MLXIP: variants seen among roughly 807,000 people sequenced by gnomAD.
MLXIP encodes MLX interacting protein.
Under a neutral mutation model 87.2 loss-of-function variants are expected in MLXIP, and 30 were observed. That is an observed-to-expected ratio of 0.34 (90% confidence interval 0.26 to 0.47). The LOEUF is 0.47. MLXIP is among the 20% of genes least tolerant of loss of function. The pLI is 1.00. For missense variants in MLXIP, 1,002 were observed against 1,240.1 expected (o/e 0.81, Z 2.88); for synonymous variants, 530 against 514.0 (o/e 1.03, Z -0.42).
chr12:122,119,628 T>C (rs1410477808), intron 1 of MLXIP, among the ~76,000 whole-genome samples: 1 of 152,194 alleles, frequency 6.6e-6, no homozygotes. Context: ...CCTGACCTTG[T>C]GATCCACCCT....
chr12:122,120,171 C>T (rs535180540), intron 1 of MLXIP, among the ~76,000 whole-genome samples: 1 of 151,684 alleles, frequency 6.6e-6, no homozygotes, highest in African/African-American at 2.4e-5. Flanking sequence ...TTCCCCCTCC[C>T]CCCTTCTTCT....
At chr12:122,085,030 C>T (rs193018469) in intron 1 of MLXIP, among the ~76,000 whole-genome samples, 5 of 152,212 alleles carry the variant, frequency 3.3e-5, no homozygotes, top group African/African-American at 1.2e-4. Context: ...AGAAAAGTGA[C>T]CTACCTTATC....
chr12:122,094,224 GTA>G (rs1952305732), intron 1 of MLXIP, among the ~76,000 whole-genome samples: 1 of 117,662 alleles, frequency 8.5e-6, no homozygotes, highest in Non-Finnish European at 1.8e-5. Flanking sequence ...GTGGGTGTGT[GTA>G]TGTGGTGTCT....
intron 1 of MLXIP, among the ~76,000 whole-genome samples, chr12:122,104,550 T>G (rs1466336854): frequency 6.6e-6 from 1 of 152,088 alleles, no homozygotes; most frequent in African/African-American, 2.4e-5. Flanking sequence ...TTTTCTTGTT[T>G]TTGGCTTTAC....
intron 16 of MLXIP, 55 bp downstream of exon 16, chr12:122,141,138 A>G: frequency 6.4e-7 from 1 of 1,557,658 alleles, no homozygotes; most frequent in African/African-American, 1.3e-5. Flanking sequence ...GAGGGAGGAC[A>G]GCCCCAGGCT....
intron 1 of MLXIP, among the ~76,000 whole-genome samples, chr12:122,110,177 G>A (rs978838762): frequency 1.3e-5 from 2 of 152,162 alleles, no homozygotes; most frequent in African/African-American, 4.8e-5. Flanking sequence ...TTAGGGTCAG[G>A]TACGGTGGCT....
chr12:122,141,040 C>T lies in MLXIP; in HGVS notation c.2595C>T (p.Leu865=), dbSNP rs767393514. Residue 865 remains leucine, a synonymous_variant, in exon 16 of 17, where the codon CTC becomes CTT. Transcript: ENST00000319080. ...SSLEELHRTA[L]SWLDQHCSLP... is the part of the protein sequence containing the mutation. ...TGGAGGAGCTGCACCGGACGGCGCT[C>T]TCCTGGCTGGACCAGCACTGCTCCC... 17 of 1,613,454 alleles carry T rather than the reference C, an allele frequency of 1.1e-5. No homozygotes were observed. The highest frequency in any genetic ancestry group is 1.4e-5 in the Non-Finnish European group (16 of 1,179,910).
chr12:122,115,421 C>T (rs909301477), intron 1 of MLXIP, among the ~76,000 whole-genome samples: 3 of 151,564 alleles, frequency 2.0e-5, no homozygotes, highest in African/African-American at 7.3e-5. Context: ...AACCCCGTCT[C>T]TACTAAAAAT....
intron 1 of MLXIP, among the ~76,000 whole-genome samples, chr12:122,105,936 A>G (rs761164853): frequency 5.3e-5 from 8 of 152,170 alleles, no homozygotes; most frequent in Non-Finnish European, 1.0e-4. Context: ...CTATAGGTTC[A>G]GACTATAGGT....
intron 1 of MLXIP, among the ~76,000 whole-genome samples, chr12:122,081,238 C>A (rs1468236919): frequency 6.6e-6 from 1 of 152,178 alleles, no homozygotes; most frequent in Non-Finnish European, 1.5e-5. Flanking sequence ...TGCCTAAGGT[C>A]TCCTGCTGCC....
Position 122,078,995 on chromosome 12 carries a change from A to G in MLXIP, c.142A>G (p.Thr48Ala). Residue 48 changes from threonine to alanine, a missense_variant, in exon 1 of 17, where the codon ACC becomes GCC. By Grantham distance (58) the Thr-to-Ala change is moderately conservative. Coordinates refer to ENST00000319080, the MANE Select transcript of MLXIP (RefSeq NM_014938.6). ...CCCGCCGCCCGCCTCCGGCGCGGCC[A>G]CCCCGGCCCGGGCCCACGCGAGCGC... ...PSPPPASGAA[T>A]PARAHASAAP... is the part of the protein sequence containing the mutation. 9.0e-7 allele frequency: 1 copy of G among 1,112,184 alleles called. No homozygotes were observed. The highest frequency in any genetic ancestry group is 3.5e-5 in the South Asian group (1 of 28,790). The allele number at this position is 1,112,184 out of a possible 1,614,324, so 68.9% of individuals were successfully genotyped here.
chr12:122,081,308 T>G (rs570278264), intron 1 of MLXIP, among the ~76,000 whole-genome samples: 4 of 152,188 alleles, frequency 2.6e-5, no homozygotes, highest in Non-Finnish European at 5.9e-5. Flanking sequence ...GTCCAGTCAT[T>G]TCTCATGAAG....
At chr12:122,096,622 C>A (rs1202777057) in intron 1 of MLXIP, among the ~76,000 whole-genome samples, 1 of 152,212 alleles carries the variant, frequency 6.6e-6, no homozygotes, top group Non-Finnish European at 1.5e-5. Context: ...TATTCTGAGT[C>A]CGGGAGTGGA....
chr12:122,114,504 C>T (rs563154910), intron 1 of MLXIP, among the ~76,000 whole-genome samples: 1 of 152,170 alleles, frequency 6.6e-6, no homozygotes, highest in Non-Finnish European at 1.5e-5. Flanking sequence ...TTTCTAGCCC[C>T]GCCCAGATGT....
Position 122,144,593 on chromosome 12 carries a change from AAG to A in MLXIP, c.*2783_*2784del. ...AGAGTGAAACCCTGCCTCTAAATAA[AAG>A]AAAATAGAGGCAGACTGTGGTGGCT... is the stretch of plus-strand genomic sequence containing the variant. On this transcript the variant is annotated 3_prime_UTR_variant, in exon 17 of 17. Transcript: ENST00000319080. 6.6e-6 allele frequency: 1 copy of A among 152,228 alleles called. No individual in the cohort carries two copies. The highest frequency in any genetic ancestry group is 3.4e-3 in the Middle Eastern group (1 of 294). 9.4% of individuals were successfully genotyped at this position (152,228 alleles called of 1,614,324 possible). A position where few individuals can be genotyped will look rare whatever the true frequency, so the allele number is the denominator to read the frequency against.
Position 122,144,126 on chromosome 12 carries a change from T to G in MLXIP, c.*2314T>G, listed in dbSNP as rs1417553066. 1 of 152,724 alleles carries G rather than the reference T, an allele frequency of 6.5e-6. No individual in the cohort carries two copies. The highest frequency in any genetic ancestry group is 1.5e-5 in the Non-Finnish European group (1 of 68,068). The allele number at this position is 152,724 out of a possible 1,614,324, so 9.5% of individuals were successfully genotyped here. A position where few individuals can be genotyped will look rare whatever the true frequency, so the allele number is the denominator to read the frequency against. ...AGGGGCCTAGATTTGACCTCTGTCC[T>G]GGGCTCCTGGGCCAGGTGCAGGAAC... On this transcript the variant is annotated 3_prime_UTR_variant, in exon 17 of 17. Coordinates refer to ENST00000319080, the MANE Select transcript of MLXIP (RefSeq NM_014938.6).
Position 122,133,059 on chromosome 12 carries a change from A to T in MLXIP, c.1093-289A>T, listed in dbSNP as rs1210645582. The T allele has an allele frequency of 5.7e-6, 2 of 352,382 alleles. No homozygotes were observed. Among genetic ancestry groups the T allele is most frequent in the Admixed American group, 8.6e-5 (2 of 23,300 alleles). 21.8% of individuals were successfully genotyped at this position (352,382 alleles called of 1,614,324 possible). ...AGAAGATGGCAGAGACTTTGGGGAG[A>T]CTCTGCTGGACTCCAGAAACAAGAT... is the stretch of plus-strand genomic sequence containing the variant. On this transcript the variant is annotated intron_variant, in intron 8 of 16. Coordinates refer to ENST00000319080, the MANE Select transcript of MLXIP (RefSeq NM_014938.6). This position sits in a 1 kb window ranked among gnomAD's most constrained non-coding sequence, Gnocchi z 4.9.
chr12:122,105,660 A>G (rs912375918), intron 1 of MLXIP, among the ~76,000 whole-genome samples: 5 of 152,046 alleles, frequency 3.3e-5, no homozygotes, highest in Non-Finnish European at 7.4e-5. Flanking sequence ...TATGTGGTCA[A>G]AACACCCATG....
chr12:122,119,353 C>T (rs921173074), intron 1 of MLXIP, among the ~76,000 whole-genome samples: 4 of 152,010 alleles, frequency 2.6e-5, no homozygotes, highest in Non-Finnish European at 4.4e-5. Context: ...AAAAATTACC[C>T]CGTAGTGTTC....
Sources: allele counts gnomAD v4.1 joint callset (sites outside exome capture counted in the v4.1 genomes callset), GRCh38; gene constraint gnomAD v4.1.1; non-coding constraint Gnocchi (gnomAD v3.1); transcripts MANE v1.5; gene names NCBI Gene and HGNC (gene_info 2026-07-23, HGNC 2026-07-21).